The following HPSE2 variants were observed in gnomAD, a reference collection of about 807,000 sequenced individuals.
The protein encoded by HPSE2 is inactive heparanase-2.
HPSE2 carries 38 observed loss-of-function variants against 60.5 expected under a neutral mutation model. The ratio of observed to expected loss-of-function variants is 0.63; its 90% CI spans 0.48 to 0.82. The LOEUF (loss-of-function observed/expected upper bound fraction) is 0.82, where lower values mean the gene tolerates loss of function less well. HPSE2 is among the 40% of genes least tolerant of loss of function. HPSE2 has a pLI of 0.00. For missense variants in HPSE2, 713 were observed against 740.4 expected (o/e 0.96, Z 0.43); for synonymous variants, 295 against 293.2 (o/e 1.01, Z -0.06).
At chr10:98,602,243 A>G (rs1398408065) in intron 9 of HPSE2, among the ~76,000 whole-genome samples, 1 of 152,178 alleles carries the variant, frequency 6.6e-6, no homozygotes, top group Non-Finnish European at 1.5e-5. Context: ...AAGGAGGGTG[A>G]GGGAAAGGAT....
At chr10:99,055,785 AC>A (rs1252303885) in intron 3 of HPSE2, among the ~76,000 whole-genome samples, 1 of 152,140 alleles carries the variant, frequency 6.6e-6, no homozygotes, top group Non-Finnish European at 1.5e-5. Context: ...AATAATAATA[AC>A]ATAATGTATC....
chr10:98,707,661 G>A lies in HPSE2; in HGVS notation c.957-13714C>T, dbSNP rs564332506. Among the ~76,000 whole-genome samples the A allele has an allele frequency of 7.2e-5, 11 of 152,196 alleles. 1 individual carries two copies. In the South Asian group the frequency reaches 2.3e-3, roughly 32 times the overall value. On this transcript the variant is annotated intron_variant, in intron 5 of 11. Transcript: ENST00000370552. ...TATAATTAAATAGGAAATATCCTGAGCCCATAAGTAGAATAGTATATAGTT... is the reference window on the plus strand; with the variant it reads ...TATAATTAAATAGGAAATATCCTGAACCCATAAGTAGAATAGTATATAGTT...
the HPSE2 span, among the ~76,000 whole-genome samples, chr10:99,304,197 G>A: frequency 6.6e-6 from 1 of 152,178 alleles, no homozygotes; most frequent in Admixed American, 6.5e-5. Context: ...CAGAGCAAAA[G>A]CAACTTTCAA....
At chr10:99,021,260 A>G (rs1253521763) in intron 3 of HPSE2, among the ~76,000 whole-genome samples, 1 of 152,232 alleles carries the variant, frequency 6.6e-6, no homozygotes, top group East Asian at 1.9e-4. Flanking sequence ...TTGAGCACTT[A>G]GTATGTAAGA....
At chr10:98,526,677 AC>A (rs1942976813) in intron 9 of HPSE2, among the ~76,000 whole-genome samples, 1 of 152,146 alleles carries the variant, frequency 6.6e-6, no homozygotes, top group South Asian at 2.1e-4. Context: ...GGGACGAAGG[AC>A]GGGTTAGGAA....
intron 3 of HPSE2, among the ~76,000 whole-genome samples, chr10:98,838,894 A>G (rs1951851363): frequency 6.6e-6 from 1 of 152,164 alleles, no homozygotes; most frequent in African/African-American, 2.4e-5. Context: ...ATGCACATAT[A>G]GGCTCATCTG....
In HPSE2 at chr10:98,534,952, T is replaced by TAA. The variant is rs544202587; in HGVS notation, c.1321-44758_1321-44757dup. 1.0e-4 allele frequency among the ~76,000 whole-genome samples: 14 copies of TAA among 133,370 alleles called. No homozygotes were observed. The South Asian group carries it at 3.6e-3, about 34-fold the overall frequency. 87.5% of individuals were successfully genotyped at this position (133,370 alleles called of 152,430 possible). ...GGTATATAAGCTCTAAGATGTTTGA[T>TAA]AAAAAGTTAGCATGTTACCTCCTAA... On this transcript the variant is annotated intron_variant, in intron 9 of 11. Coordinates refer to ENST00000370552, the MANE Select transcript of HPSE2 (RefSeq NM_021828.5).
At chr10:98,586,381 C>G (rs2133933143) in intron 9 of HPSE2, among the ~76,000 whole-genome samples, 1 of 152,294 alleles carries the variant, frequency 6.6e-6, no homozygotes, top group African/African-American at 2.4e-5. Flanking sequence ...GCATTCTGTG[C>G]TTTAATGTCC....
chr10:98,885,457 A>C (rs970336811), intron 3 of HPSE2, among the ~76,000 whole-genome samples: 5 of 152,142 alleles, frequency 3.3e-5, no homozygotes. Flanking sequence ...AAATGCTATC[A>C]AGCAGCATCA....
chr10:98,535,596 A>G (rs1391404553), intron 9 of HPSE2, among the ~76,000 whole-genome samples: 1 of 152,168 alleles, frequency 6.6e-6, no homozygotes, highest in Non-Finnish European at 1.5e-5. Context: ...AGCGTATACT[A>G]TTGATATATA....
chr10:98,664,841 G>T (rs1947321159), intron 6 of HPSE2, among the ~76,000 whole-genome samples: 1 of 152,132 alleles, frequency 6.6e-6, no homozygotes, highest in African/African-American at 2.4e-5. Flanking sequence ...AGCCCTCTCA[G>T]ATGAGAAAGA....
rs560472337 is a variant in HPSE2, at chr10:98,986,530, A to C, written c.610+157708T>G. Among the ~76,000 whole-genome samples, 516 of 151,828 alleles carry C rather than the reference A, an allele frequency of 3.4e-3. 3 individuals are homozygous for C. The highest frequency in any genetic ancestry group is 0.014 in the Middle Eastern group (4 of 294). On this transcript the variant is annotated intron_variant, in intron 3 of 11. Coordinates refer to ENST00000370552, the MANE Select transcript of HPSE2 (RefSeq NM_021828.5). ...AAATTTATAGCACTAAATGCCCACA[A>C]GAGAAAGCAGGAAAGATCTAAAATT...
chr10:98,810,770 TAA>T (rs1423649571), intron 3 of HPSE2, among the ~76,000 whole-genome samples: 2 of 151,550 alleles, frequency 1.3e-5, no homozygotes, highest in African/African-American at 4.9e-5. Flanking sequence ...AAAAAAAAAA[TAA>T]AAATAAAAAT....
chr10:98,791,414 G>A (rs1322917563), intron 3 of HPSE2, among the ~76,000 whole-genome samples: 1 of 152,174 alleles, frequency 6.6e-6, no homozygotes, highest in Non-Finnish European at 1.5e-5. Context: ...ATGGGAATGC[G>A]CTGAGAAAGT....
At chr10:98,669,010 C>G (rs537654232) in intron 6 of HPSE2, among the ~76,000 whole-genome samples, 13 of 152,194 alleles carry the variant, frequency 8.5e-5, no homozygotes, top group Non-Finnish European at 1.6e-4. Flanking sequence ...GGTCTACTAT[C>G]CAGAATCTAT....
In HPSE2 at chr10:98,458,073, T is replaced by C; in HGVS notation, c.*1501A>G. ...TCCCTCCTCTTTGGTCTAATCTCCC[T>C]TCCATCTCTCACTTTGCAGACTTGG... On this transcript the variant is annotated 3_prime_UTR_variant, in exon 12 of 12. Coordinates refer to ENST00000370552, the MANE Select transcript of HPSE2 (RefSeq NM_021828.5). 1 of 152,392 alleles carries C rather than the reference T, an allele frequency of 6.6e-6. No homozygotes were observed. Among genetic ancestry groups the C allele is most frequent in the Non-Finnish European group, 1.5e-5 (1 of 68,108 alleles). 9.4% of individuals were successfully genotyped at this position (152,392 alleles called of 1,614,324 possible). A position where few individuals can be genotyped will look rare whatever the true frequency, so the allele number is the denominator to read the frequency against.
chr10:98,577,839 TG>T (rs1485521972), intron 9 of HPSE2, among the ~76,000 whole-genome samples: 2 of 152,222 alleles, frequency 1.3e-5, no homozygotes, highest in Non-Finnish European at 2.9e-5. Context: ...AGTCCTGCAT[TG>T]GACTTGGCTC....
rs866825268 is a variant in HPSE2 at position 98,548,630 on chromosome 10, A to C, written c.1321-58434T>G. On this transcript the variant is annotated intron_variant, in intron 9 of 11. Coordinates refer to ENST00000370552, the MANE Select transcript of HPSE2 (RefSeq NM_021828.5). Reference sequence around the variant, plus strand: ...AGACTCCATCTCAAAAAAAAAAAAAAGAAATTTAGAGATGAATGTGTACTG... The same window carrying C: ...AGACTCCATCTCAAAAAAAAAAAAACGAAATTTAGAGATGAATGTGTACTG... 3.4e-3 allele frequency among the ~76,000 whole-genome samples: 491 copies of C among 146,556 alleles called. 4 individuals are homozygous for C. The highest frequency in any genetic ancestry group is 0.011 in the African/African-American group (460 of 40,812).
At chr10:98,828,490 T>C (rs1051759184) in intron 3 of HPSE2, among the ~76,000 whole-genome samples, 4 of 152,046 alleles carry the variant, frequency 2.6e-5, no homozygotes, top group African/African-American at 9.7e-5. Context: ...TAAAATCTCA[T>C]GTATCCCTAA....
Sources: gnomAD v4.1 joint callset for allele counts (sites outside exome capture counted in the v4.1 genomes callset) on GRCh38, gnomAD v4.1.1 for gene constraint, MANE v1.5 for transcripts, NCBI Gene and HGNC (gene_info 2026-07-23, HGNC 2026-07-21) for gene names.